The following DENND5B variants were observed in gnomAD, a reference collection of about 807,000 sequenced individuals.
DENND5B encodes DENN domain containing 5B.
A neutral mutation model predicts 140.6 loss-of-function variants in DENND5B; 34 were observed. The ratio of observed to expected loss-of-function variants is 0.24; its 90% CI spans 0.18 to 0.32. The LOEUF (loss-of-function observed/expected upper bound fraction) is 0.32, where lower values mean the gene tolerates loss of function less well. DENND5B is among the 10% of genes least tolerant of loss of function. DENND5B has a pLI of 1.00. For missense variants in DENND5B, 1,142 were observed against 1,560.2 expected, an observed-to-expected ratio of 0.73 and a Z score of 4.52; for synonymous variants, 551 against 562.1, an observed-to-expected ratio of 0.98 and a Z score of 0.28.
rs1264848519 is a variant in DENND5B, at chr12:31,423,584, AATG to A, written c.2470+10_2470+12del. On this transcript the variant is annotated intron_variant, in intron 11 of 20. Transcript: ENST00000389082. ...AGTCCAGTGCTGCTAGTTCTTTACC[AATG>A]ATGTCATACCTGGTGATTCTGCAAG... 2 of 1,613,484 alleles carry A rather than the reference AATG, an allele frequency of 1.2e-6. No homozygotes were observed. The highest frequency in any genetic ancestry group is 4.5e-5 in the East Asian group (2 of 44,846).
chr12:31,531,162 C>T (rs910236298), intron 1 of DENND5B, among the ~76,000 whole-genome samples: 5 of 152,102 alleles, frequency 3.3e-5, no homozygotes, highest in African/African-American at 9.7e-5. Flanking sequence ...TTATATCCTA[C>T]TACGAGTTAA....
At chr12:31,457,393 A>G (rs2138202250) in intron 4 of DENND5B, among the ~76,000 whole-genome samples, 1 of 152,356 alleles carries the variant, frequency 6.6e-6, no homozygotes, top group African/African-American at 2.4e-5. Context: ...GTTAGCTAGC[A>G]ACTAAAATCA....
At chr12:31,470,128 T>C (rs541459642) in intron 3 of DENND5B, among the ~76,000 whole-genome samples, 2,851 of 143,080 alleles carry the variant, frequency 0.02, 71 homozygotes, top group South Asian at 0.052. Context: ...TTTTTTTTTT[T>C]CTTTGGAGAT....
chr12:31,462,113 A>C (rs534668643), intron 3 of DENND5B, among the ~76,000 whole-genome samples: 3 of 152,300 alleles, frequency 2.0e-5, no homozygotes, highest in Admixed American at 2.0e-4. Flanking sequence ...AACAAACACC[A>C]GGTGGCCTAA....
intron 1 of DENND5B, chr12:31,534,975 G>A: frequency 3.8e-6 from 1 of 260,556 alleles, no homozygotes; most frequent in Non-Finnish European, 7.3e-6. Context: ...TTGGGAGGCT[G>A]AGGCAGGAAG....
intron 6 of DENND5B, among the ~76,000 whole-genome samples, chr12:31,445,703 A>AG (rs1944245144): frequency 3.9e-5 from 1 of 25,550 alleles, no homozygotes; most frequent in African/African-American, 1.6e-4. Flanking sequence ...ATTCTGTTTC[A>AG]AAAAAAAAAA....
intron 1 of DENND5B, among the ~76,000 whole-genome samples, chr12:31,581,676 A>G (rs1184585995): frequency 1.4e-5 from 2 of 145,328 alleles, no homozygotes; most frequent in Admixed American, 7.0e-5. Context: ...CTGGGCAACA[A>G]CAGGGAAACT....
chr12:31,440,887 C>A (rs1266643559), intron 7 of DENND5B, among the ~76,000 whole-genome samples: 1 of 152,178 alleles, frequency 6.6e-6, no homozygotes, highest in Non-Finnish European at 1.5e-5. Context: ...AGGCATGCAC[C>A]ACCACACCCA....
chr12:31,586,742 T>C (rs1219357476), intron 1 of DENND5B, among the ~76,000 whole-genome samples: 1 of 152,158 alleles, frequency 6.6e-6, no homozygotes, highest in East Asian at 1.9e-4. Context: ...AGAAAGTCTA[T>C]GAAGCAACTG....
intron 1 of DENND5B, 144 bp downstream of exon 1, chr12:31,590,562 C>G: frequency 9.7e-7 from 1 of 1,035,746 alleles, no homozygotes; most frequent in Non-Finnish European, 1.3e-6. Context: ...AAATCGCGCC[C>G]GAGCGCCAGT....
chr12:31,512,166 C>T (rs1214141544), intron 1 of DENND5B, among the ~76,000 whole-genome samples: 1 of 151,888 alleles, frequency 6.6e-6, no homozygotes, highest in African/African-American at 2.4e-5. Flanking sequence ...CTGCCCGCCT[C>T]GGCCTCCTAA....
At chr12:31,498,375 C>T (rs1946868304) in intron 1 of DENND5B, among the ~76,000 whole-genome samples, 1 of 152,108 alleles carries the variant, frequency 6.6e-6, no homozygotes, top group Non-Finnish European at 1.5e-5. Flanking sequence ...CATGAAAGTG[C>T]CATTCTCAAT....
At chr12:31,512,259 G>C (rs1947450238) in intron 1 of DENND5B, among the ~76,000 whole-genome samples, 1 of 151,338 alleles carries the variant, frequency 6.6e-6, no homozygotes, top group Admixed American at 6.6e-5. Flanking sequence ...TGTGACCCGG[G>C]TTGGCATGTG....
chr12:31,450,621 T>A (rs1409520516), intron 5 of DENND5B, among the ~76,000 whole-genome samples: 1 of 152,142 alleles, frequency 6.6e-6, no homozygotes, highest in African/African-American at 2.4e-5. Flanking sequence ...CCTCCTAGTG[T>A]TGGGATTACA....
chr12:31,437,218 C>T (rs1038139408), intron 7 of DENND5B, among the ~76,000 whole-genome samples: 6 of 151,586 alleles, frequency 4.0e-5, no homozygotes, highest in Non-Finnish European at 5.9e-5. Flanking sequence ...TCTTGGCTCA[C>T]TGCAAGCTCT....
At chr12:31,571,655 T>G (rs1174278720) in intron 1 of DENND5B, among the ~76,000 whole-genome samples, 1 of 152,184 alleles carries the variant, frequency 6.6e-6, no homozygotes, top group East Asian at 1.9e-4. Flanking sequence ...GTTTCACTCA[T>G]TGCCCAGGCT....
chr12:31,532,268 G>C (rs2139092294), intron 1 of DENND5B, among the ~76,000 whole-genome samples: 1 of 152,296 alleles, frequency 6.6e-6, no homozygotes, highest in East Asian at 1.9e-4. Context: ...GGCAAAGACT[G>C]GGGGATAGGG....
At chr12:31,559,242 G>A (rs1307228596) in intron 1 of DENND5B, among the ~76,000 whole-genome samples, 1 of 152,132 alleles carries the variant, frequency 6.6e-6, no homozygotes, top group African/African-American at 2.4e-5. Flanking sequence ...CCCTCCCTAA[G>A]TTATTTTTCC....
chr12:31,417,837 A>G (rs1163322911), intron 11 of DENND5B, among the ~76,000 whole-genome samples: 1 of 152,216 alleles, frequency 6.6e-6, no homozygotes, highest in Non-Finnish European at 1.5e-5. Context: ...ACACCTATAT[A>G]AGTAGAACTT....
Sources: gnomAD v4.1 joint callset for allele counts (sites outside exome capture counted in the v4.1 genomes callset) on GRCh38, gnomAD v4.1.1 for gene constraint, MANE v1.5 for transcripts, NCBI Gene and HGNC (gene_info 2026-07-23, HGNC 2026-07-21) for gene names.